ZNF493: variants seen among roughly 807,000 people sequenced by gnomAD.
ZNF493 encodes zinc finger protein 493.
ZNF493 carries 11 observed loss-of-function variants against 12.2 expected under a neutral mutation model. That is an observed-to-expected ratio of 0.90 (90% CI 0.57 to 1.50). The LOEUF (loss-of-function observed/expected upper bound fraction) is 1.50, where lower values mean the gene tolerates loss of function less well. ZNF493 is among the 40% of genes most tolerant of loss of function. The pLI, the probability that ZNF493 is intolerant of heterozygous loss-of-function variation, is 0.00. For missense variants in ZNF493, 950 were observed against 906.6 expected (o/e 1.05, Z -0.61); for synonymous variants, 286 against 302.6 (o/e 0.95, Z 0.57).
chr19:21,421,214 T>C (rs1351466853), intron 3 of ZNF493, among the ~76,000 whole-genome samples: 1 of 151,960 alleles, frequency 6.6e-6, no homozygotes, highest in African/African-American at 2.4e-5. Flanking sequence ...TTTTTTTATA[T>C]TTTTTTACCT....
Position 21,405,797 on chromosome 19 carries a change from TG to T in ZNF493, c.196del (p.Glu66SerfsTer9). 1 of 1,608,902 alleles carries T rather than the reference TG, an allele frequency of 6.2e-7. No individual in the cohort carries two copies. The highest frequency in any genetic ancestry group is 8.5e-7 in the Non-Finnish European group (1 of 1,178,298). ...AVSKPDLVTC[L>X]EQGKDPWNMK... ...TCTAAGCCAGATCTGGTCACCTGTC[TG>T]GAGCAAGGAAAAGATCCCTGGAATA... On this transcript the variant is annotated frameshift_variant, in exon 3 of 4. Coordinates refer to ENST00000392288, the MANE Select transcript of ZNF493 (RefSeq NM_001076678.3). LOFTEE classifies it high-confidence loss of function.
At chr19:21,410,058 GTGTATATATATATATA>G (rs1323374975) in intron 3 of ZNF493, among the ~76,000 whole-genome samples, 4,334 of 139,914 alleles carry the variant, frequency 0.031, 191 homozygotes, top group African/African-American at 0.073. Flanking sequence ...ATTTCATTGT[GTGTATATATATATATA>G]TATATATATA....
intron 3 of ZNF493, among the ~76,000 whole-genome samples, chr19:21,409,440 A>G (rs1433767529): frequency 6.6e-6 from 1 of 152,194 alleles, no homozygotes; most frequent in East Asian, 1.9e-4. Flanking sequence ...TCTTAAATCT[A>G]TTTAAGTGTA....
intron 3 of ZNF493, among the ~76,000 whole-genome samples, chr19:21,416,628 G>C (rs1238756267): frequency 6.6e-6 from 1 of 152,122 alleles, no homozygotes; most frequent in African/African-American, 2.4e-5. Context: ...GTTTACTAGT[G>C]ATTTGATTTA....
intron 3 of ZNF493, among the ~76,000 whole-genome samples, chr19:21,410,622 TTTTC>T (rs1245697329): frequency 1.3e-5 from 2 of 152,160 alleles, no homozygotes; most frequent in Admixed American, 6.5e-5. Context: ...GATTTTTGAA[TTTTC>T]TTAATGTGCG....
At chr19:21,411,225 A>G (rs368630203) in intron 3 of ZNF493, among the ~76,000 whole-genome samples, 1 of 152,174 alleles carries the variant, frequency 6.6e-6, no homozygotes, top group East Asian at 1.9e-4. Flanking sequence ...GCTCATGGCA[A>G]CTTTGCAAAA....
rs1237800738 is a variant in ZNF493, at chr19:21,424,428, A to G, written c.1769A>G (p.Lys590Arg). Residue 590 changes from lysine to arginine, a missense_variant, in exon 4 of 4, where the codon AAA (lysine) becomes AGA (arginine). Lys to Arg is a conservative substitution (Grantham distance 26). Coordinates refer to ENST00000392288, the MANE Select transcript of ZNF493 (RefSeq NM_001076678.3). ...TTTAGTGTATTCTCAACCCTTACTAAACACAAGATAATTCATACTGATAAG... is the reference window on the plus strand; with the variant it reads ...TTTAGTGTATTCTCAACCCTTACTAGACACAAGATAATTCATACTGATAAG... ...KSFSVFSTLT[K>R]HKIIHTDKKP... The G allele has an allele frequency of 7.5e-6, 12 of 1,609,574 alleles. No homozygotes were observed. The highest frequency in any genetic ancestry group is 1.0e-5 in the Non-Finnish European group (12 of 1,178,714).
intron 3 of ZNF493, chr19:21,413,090 C>A (rs1309853994): frequency 1.0e-5 from 3 of 289,254 alleles, no homozygotes; most frequent in Non-Finnish European, 2.0e-5. Context: ...CCTTAGGAGA[C>A]CAGCTAATAA....
At chr19:21,401,620 A>ATTTAT (rs1315102943) in intron 1 of ZNF493, among the ~76,000 whole-genome samples, 40 of 151,272 alleles carry the variant, frequency 2.6e-4, no homozygotes, top group South Asian at 1.7e-3. Flanking sequence ...TTATTTATTT[A>ATTTAT]TTTATTTTAT....
chr19:21,419,110 T>G (rs985617305), intron 3 of ZNF493, among the ~76,000 whole-genome samples: 1 of 152,188 alleles, frequency 6.6e-6, no homozygotes, highest in Non-Finnish European at 1.5e-5. Flanking sequence ...AGACCTTGGC[T>G]TGTTAGCAGT....
intron 1 of ZNF493, among the ~76,000 whole-genome samples, chr19:21,403,470 CCT>C (rs1193409316): frequency 6.6e-6 from 1 of 151,718 alleles, no homozygotes; most frequent in African/African-American, 2.4e-5. Context: ...CTGAATCTCT[CCT>C]GTTATAAAGG....
intron 1 of ZNF493, among the ~76,000 whole-genome samples, chr19:21,399,321 C>G (rs183320225): frequency 6.6e-6 from 1 of 152,000 alleles, no homozygotes; most frequent in Non-Finnish European, 1.5e-5. Context: ...ACACCATGCC[C>G]GGCTAATTTT....
intron 3 of ZNF493, chr19:21,412,478 A>T (rs2030355644): frequency 6.5e-6 from 1 of 154,786 alleles, no homozygotes; most frequent in Non-Finnish European, 1.4e-5. Context: ...GTTTATGGCC[A>T]GTTTTGGGGC....
intron 3 of ZNF493, among the ~76,000 whole-genome samples, chr19:21,415,768 T>C (rs930111262): frequency 6.6e-6 from 1 of 152,216 alleles, no homozygotes; most frequent in Non-Finnish European, 1.5e-5. Context: ...TAAGCGTTGT[T>C]GTTTACTGCA....
chr19:21,402,128 C>T (rs1008233638), intron 1 of ZNF493, among the ~76,000 whole-genome samples: 5 of 151,808 alleles, frequency 3.3e-5, no homozygotes, highest in African/African-American at 7.3e-5. Context: ...CCATCACGAC[C>T]GGCTAATTTT....
In ZNF493 at chr19:21,423,253, T is replaced by A. The variant is rs1441582096; in HGVS notation, c.594T>A (p.Cys198Ter). 2.5e-6 allele frequency: 4 copies of A among 1,613,836 alleles called. No homozygotes were observed. The East Asian group carries it at 8.9e-5, about 36-fold the overall frequency. Residue 198 changes from cysteine to a stop codon, truncating the protein, a stop_gained, in exon 4 of 4, where the codon TGT becomes TGA. Coordinates refer to ENST00000392288, the MANE Select transcript of ZNF493 (RefSeq NM_001076678.3). LOFTEE classifies it low-confidence loss of function (END_TRUNC). ...CATTTTGCATGCTTTTACACCTATG[T>A]CAGCATAAAAGAATTCATATTAGAG... ...GKSFCMLLHL[C>*]QHKRIHIREN...
At chr19:21,421,288 T>C (rs1011435250) in intron 3 of ZNF493, among the ~76,000 whole-genome samples, 1 of 152,182 alleles carries the variant, frequency 6.6e-6, no homozygotes, top group Non-Finnish European at 1.5e-5. Context: ...TGATTTTCTG[T>C]AGTTCTCTGT....
At chr19:21,413,712 T>C (rs993268329) in intron 3 of ZNF493, 18 of 372,874 alleles carry the variant, frequency 4.8e-5, no homozygotes, top group South Asian at 1.2e-4. Flanking sequence ...GCATAATCTC[T>C]ACCCCAAGTT....
rs2030849323 is a variant in ZNF493 at position 21,426,087 on chromosome 19, C to T, written c.*1103C>T. 3.1e-6 allele frequency: 1 copy of T among 323,580 alleles called. No individual in the cohort carries two copies. Among genetic ancestry groups the T allele is most frequent in the Admixed American group, 4.0e-5 (1 of 24,692 alleles). The allele number at this position is 323,580 out of a possible 1,614,324, so 20.0% of individuals were successfully genotyped here. ...CTTAACACACATACGATAATTCTTA[C>T]TGCAGAGAAACTCTACAAACCAGTA... On this transcript the variant is annotated 3_prime_UTR_variant, in exon 4 of 4. Coordinates refer to ENST00000392288, the MANE Select transcript of ZNF493 (RefSeq NM_001076678.3).
Sources: allele counts gnomAD v4.1 joint callset (sites outside exome capture counted in the v4.1 genomes callset), GRCh38; gene constraint gnomAD v4.1.1; transcripts MANE v1.5; gene names NCBI Gene and HGNC (gene_info 2026-07-23, HGNC 2026-07-21).